The following C2CD3 variants were observed in gnomAD, a reference collection of about 807,000 sequenced individuals.
C2CD3 encodes C2 domain-containing protein 3.
In C2CD3, 148 loss-of-function variants were observed where a neutral mutation model predicts 234.0. The ratio of observed to expected loss-of-function variants is 0.63; its 90% confidence interval spans 0.55 to 0.72. The LOEUF (loss-of-function observed/expected upper bound fraction) is 0.72. C2CD3 is among the 30% of genes least tolerant of loss of function. The probability of loss-of-function intolerance (pLI) is 0.00; values close to 1 mark genes in which losing one functional copy is unlikely to be tolerated. For synonymous variants in C2CD3, 1,000 were observed against 1,035.4 expected, an observed-to-expected ratio of 0.97 and a Z score of 0.66; for missense variants, 2,577 against 2,811.5, an observed-to-expected ratio of 0.92 and a Z score of 1.89.
rs555998105 is a variant in C2CD3 at position 74,114,301 on chromosome 11, C to T, written c.1730+83G>A. On this transcript the variant is annotated intron_variant, in intron 10 of 32. Transcript: ENST00000334126. ...GCATATGAAAACACATCCCAAATCA[C>T]AGTATTATGCAATTGTTGATTATTA... 19 of 893,156 alleles carry T rather than the reference C, an allele frequency of 2.1e-5. No homozygotes were observed. In the South Asian group the frequency reaches 2.6e-4, roughly 12 times the overall value. 55.3% of individuals were successfully genotyped at this position (893,156 alleles called of 1,614,324 possible).
intron 15 of C2CD3, among the ~76,000 whole-genome samples, chr11:74,099,748 T>G (rs1230933609): frequency 6.6e-6 from 1 of 151,930 alleles, no homozygotes; most frequent in African/African-American, 2.4e-5. Context: ...TACAAAAAAT[T>G]AGCCAGGTGT....
intron 1 of C2CD3, among the ~76,000 whole-genome samples, chr11:74,169,888 GCCTAATGT>G (rs1414936261): frequency 1.3e-5 from 2 of 152,102 alleles, no homozygotes; most frequent in African/African-American, 4.8e-5. Context: ...CAACCCAATG[GCCTAATGT>G]CCTATCACTG....
Position 74,057,496 on chromosome 11 carries a change from G to T in C2CD3, c.5000C>A (p.Ser1667Tyr), listed in dbSNP as rs1591355384. ...RKVSIPSCCVSFATADESSPV... is the reference protein window; with the variant it reads ...RKVSIPSCCVYFATADESSPV... ...AGATGACTCATCGGCTGTTGCAAAG[G>T]ATACACAACAACTGGGTATCGATAC... The change falls in exon 25 of 33, where the codon TCC becomes TAC. Residue 1667 changes from serine (S) to tyrosine (Y), a missense_variant. Physicochemically the swap from Ser to Tyr is moderately radical, Grantham distance 144. Transcript: ENST00000334126. The T allele has an allele frequency of 6.2e-7, 1 of 1,614,018 alleles. No homozygotes were observed.
At position 74,033,992 on chromosome 11, in the gene C2CD3, GCCTGCCT is replaced by G; in HGVS notation, c.6161_6167del (p.Glu2054AlafsTer19). Reference sequence around the variant, plus strand: ...CATAGTCCTCATCACTGTAGGCTGGGCCTGCCTCAGTGTCTTCACTGCTCTGCATCCT... The same window carrying G: ...CATAGTCCTCATCACTGTAGGCTGGGCAGTGTCTTCACTGCTCTGCATCCT... On this transcript the variant is annotated frameshift_variant, in exon 31 of 33. Coordinates refer to ENST00000334126, the MANE Select transcript of C2CD3 (RefSeq NM_001286577.2). LOFTEE classifies it high-confidence loss of function. 5 of 1,536,470 alleles carry G rather than the reference GCCTGCCT, an allele frequency of 3.3e-6. No homozygotes were observed. The highest frequency in any genetic ancestry group is 4.4e-6 in the Non-Finnish European group (5 of 1,146,974).
chr11:74,060,365 C>T (rs770966635), intron 24 of C2CD3, among the ~76,000 whole-genome samples: 1 of 152,192 alleles, frequency 6.6e-6, no homozygotes, highest in Non-Finnish European at 1.5e-5. Context: ...GGAGACACCT[C>T]CCAGTAGGGG....
At chr11:74,015,853 G>A (rs1951859825) in intron 32 of C2CD3, among the ~76,000 whole-genome samples, 2 of 150,600 alleles carry the variant, frequency 1.3e-5, no homozygotes. Context: ...GATCGCATGA[G>A]TCTAGGAGTT....
intron 11 of C2CD3, chr11:74,110,519 C>T (rs947112855): frequency 2.0e-5 from 3 of 152,240 alleles, no homozygotes; most frequent in Non-Finnish European, 4.4e-5. Flanking sequence ...TCTGGTTACT[C>T]TACCTGGGAA....
chr11:74,153,135 T>C (rs1395378153), intron 3 of C2CD3, among the ~76,000 whole-genome samples: 1 of 152,148 alleles, frequency 6.6e-6, no homozygotes, highest in Non-Finnish European at 1.5e-5. Context: ...GGAGGACTGC[T>C]TGAGTCCAGA....
chr11:74,157,829 T>G (rs571387183), intron 3 of C2CD3, among the ~76,000 whole-genome samples: 1 of 152,310 alleles, frequency 6.6e-6, no homozygotes, highest in Non-Finnish European at 1.5e-5. Context: ...ATCTCATGCA[T>G]ATCTATCACA....
chr11:74,102,237 G>A (rs771957292), intron 14 of C2CD3, among the ~76,000 whole-genome samples: 1 of 152,200 alleles, frequency 6.6e-6, no homozygotes, highest in Admixed American at 6.5e-5. Flanking sequence ...AAAAGAGGAA[G>A]AACAGATTTG....
intron 12 of C2CD3, among the ~76,000 whole-genome samples, chr11:74,108,557 CT>C (rs1956621330): frequency 2.0e-5 from 3 of 152,234 alleles, no homozygotes; most frequent in Admixed American, 2.0e-4. Context: ...TGTATTCTGC[CT>C]GCAAACAGGA....
intron 3 of C2CD3, among the ~76,000 whole-genome samples, chr11:74,141,141 A>G (rs1190975837): frequency 1.3e-5 from 2 of 152,240 alleles, no homozygotes; most frequent in African/African-American, 4.8e-5. Context: ...GAAAAACTGC[A>G]GTTAGATGTT....
chr11:74,047,426 A>G (rs1217835047), intron 28 of C2CD3, among the ~76,000 whole-genome samples: 4 of 152,362 alleles, frequency 2.6e-5, no homozygotes, highest in Admixed American at 2.0e-4. Context: ...TAAAAGAGAT[A>G]ACAAAGGAAT....
chr11:74,040,926 G>GCA (rs992886037), intron 29 of C2CD3, among the ~76,000 whole-genome samples: 3 of 143,164 alleles, frequency 2.1e-5, no homozygotes, highest in Non-Finnish European at 4.6e-5. Flanking sequence ...ACACACACAC[G>GCA]CACACACACA....
At chr11:74,081,234 G>A in intron 22 of C2CD3, among the ~76,000 whole-genome samples, 1 of 152,110 alleles carries the variant, frequency 6.6e-6, no homozygotes, top group Non-Finnish European at 1.5e-5. Flanking sequence ...TAAGAAAATG[G>A]GGGCTCAGAG....
chr11:74,054,474 C>T, intron 26 of C2CD3, 133 bp downstream of exon 26: 1 of 565,698 alleles, frequency 1.8e-6, no homozygotes, highest in Non-Finnish European at 3.1e-6. Flanking sequence ...TATCTGCATT[C>T]CCAGCACTGT....
intron 24 of C2CD3, among the ~76,000 whole-genome samples, chr11:74,070,332 G>A (rs1372049848): frequency 3.3e-5 from 5 of 152,208 alleles, no homozygotes; most frequent in Admixed American, 6.5e-5. Flanking sequence ...TGAAGGCAAA[G>A]CTCCTAATTT....
At chr11:74,049,924 G>A (rs1220601134) in intron 26 of C2CD3, among the ~76,000 whole-genome samples, 6 of 140,578 alleles carry the variant, frequency 4.3e-5, no homozygotes, top group Non-Finnish European at 7.4e-5. Flanking sequence ...AGGACTATAG[G>A]CACACACCAC....
chr11:74,037,471 GTCATACCTGTGATTAAGGAGCTGACTT>G lies in C2CD3; in HGVS notation c.5861_5881+6del. On this transcript the variant is annotated splice_donor_variant and splice_donor_5th_base_variant and coding_sequence_variant and intron_variant, in exon 30 of 33. Coordinates refer to ENST00000334126, the MANE Select transcript of C2CD3 (RefSeq NM_001286577.2). LOFTEE classifies it high-confidence loss of function. ...AACATCTCAACAAGAAAGGATCTGA[GTCATACCTGTGATTAAGGAGCTGACTT>G]GCAACACCAGGTTACTGGATTTCTC... 13 of 1,606,310 alleles carry G rather than the reference GTCATACCTGTGATTAAGGAGCTGACTT, an allele frequency of 8.1e-6. No homozygotes were observed. The highest frequency in any genetic ancestry group is 9.4e-6 in the Non-Finnish European group (11 of 1,173,112).
Sources: gnomAD v4.1 joint callset for allele counts (sites outside exome capture counted in the v4.1 genomes callset) on GRCh38, gnomAD v4.1.1 for gene constraint, MANE v1.5 for transcripts, NCBI Gene and HGNC (gene_info 2026-07-23, HGNC 2026-07-21) for gene names.